The following CATSPERD variants were observed in gnomAD, a reference collection of about 807,000 sequenced individuals.
CATSPERD encodes catsper channel auxiliary subunit delta, also known as cation channel sperm-associated auxiliary subunit delta.
Under a neutral mutation model 98.1 loss-of-function variants are expected in CATSPERD, and 86 were observed. That is an observed-to-expected ratio of 0.88 (90% CI 0.74 to 1.05). CATSPERD has a LOEUF of 1.05. CATSPERD is among the 50% of genes least tolerant of loss of function. The probability of loss-of-function intolerance (pLI) is 0.00; values close to 1 mark genes in which losing one functional copy is unlikely to be tolerated. For missense variants in CATSPERD, 995 were observed against 1,005.7 expected, an observed-to-expected ratio of 0.99 and a Z score of 0.14; for synonymous variants, 394 against 390.2, an observed-to-expected ratio of 1.01 and a Z score of -0.12.
At chr19:5,766,506 G>A (rs1457168770) in intron 17 of CATSPERD, among the ~76,000 whole-genome samples, 1 of 151,734 alleles carries the variant, frequency 6.6e-6, no homozygotes, top group East Asian at 1.9e-4. Flanking sequence ...GGAGTGAGGA[G>A]AGGGGAGGAG....
chr19:5,756,624 C>A (rs1381695621), intron 13 of CATSPERD, among the ~76,000 whole-genome samples: 1 of 151,998 alleles, frequency 6.6e-6, no homozygotes, highest in African/African-American at 2.4e-5. Context: ...GGGCTAACTT[C>A]CAATGCTTGG....
chr19:5,739,857 C>T (rs1460760644), intron 7 of CATSPERD, among the ~76,000 whole-genome samples: 1 of 77,182 alleles, frequency 1.3e-5, no homozygotes, highest in Non-Finnish European at 2.9e-5. Flanking sequence ...AAAAAAAGTC[C>T]ACTGGCTGGG....
intron 11 of CATSPERD, among the ~76,000 whole-genome samples, chr19:5,750,178 G>A (rs1163712874): frequency 4.7e-5 from 7 of 150,510 alleles, no homozygotes; most frequent in South Asian, 4.2e-4. Context: ...GCCGGGCGTG[G>A]TGGCTCACGC....
At chr19:5,761,937 C>T (rs35315986) in intron 15 of CATSPERD, among the ~76,000 whole-genome samples, 33,146 of 146,986 alleles carry the variant, frequency 0.23, 4,741 homozygotes, top group East Asian at 0.34. Flanking sequence ...GGGGTTTCAC[C>T]ATATTGGCAA....
intron 17 of CATSPERD, among the ~76,000 whole-genome samples, chr19:5,766,462 A>G (rs1472577696): frequency 2.7e-5 from 4 of 149,112 alleles, no homozygotes; most frequent in Non-Finnish European, 6.0e-5. Flanking sequence ...TCGTCTTGAA[A>G]AAAAAAAAAA....
At chr19:5,754,342 G>T in intron 13 of CATSPERD, 97 bp downstream of exon 13, 1 of 754,368 alleles carries the variant, frequency 1.3e-6, no homozygotes, top group Non-Finnish European at 2.4e-6. Flanking sequence ...CCCCCACAAG[G>T]AGAGACGCTA....
chr19:5,733,757 T>G, intron 4 of CATSPERD, 99 bp from the exon 5 acceptor site: 2 of 840,288 alleles, frequency 2.4e-6, no homozygotes, highest in Non-Finnish European at 3.8e-6. Flanking sequence ...CGCCCGTCCA[T>G]ACATTTTTTT....
At chr19:5,777,982 G>A (rs1250244604) in intron 21 of CATSPERD, among the ~76,000 whole-genome samples, 1 of 152,030 alleles carries the variant, frequency 6.6e-6, no homozygotes, top group African/African-American at 2.4e-5. Context: ...GCAGAGGCGG[G>A]CGGATCACTT....
chr19:5,766,059 C>T, intron 16 of CATSPERD, 44 bp from the exon 17 acceptor site: 1 of 1,523,496 alleles, frequency 6.6e-7, no homozygotes, highest in Non-Finnish European at 9.1e-7. Flanking sequence ...GTCCGGGTGA[C>T]CCTCACTGAC....
chr19:5,744,491 TTGTAGTGAA>T lies in CATSPERD; in HGVS notation c.640_648del (p.Val214_Asn216del). On this transcript the variant is annotated inframe_deletion, in exon 8 of 22. Coordinates refer to ENST00000381624, the MANE Select transcript of CATSPERD (RefSeq NM_152784.4). ...TTTTCTTTGTCACAGGTTGCGATGC[TTGTAGTGAA>T]TCAAGGGAAGGTAAGTAACTGCAGA... 5 of 1,612,338 alleles carry T rather than the reference TTGTAGTGAA, an allele frequency of 3.1e-6. No individual in the cohort carries two copies. In the South Asian group the frequency reaches 5.5e-5, roughly 18 times the overall value.
chr19:5,720,924 T>C (rs2055449491), intron 1 of CATSPERD, 116 bp downstream of exon 1: 2 of 805,464 alleles, frequency 2.5e-6, no homozygotes, highest in Non-Finnish European at 3.8e-6. Context: ...TTTACTCTTT[T>C]TAGGAATCGA....
In CATSPERD at chr19:5,748,270, C is replaced by T. The variant is rs369400230; in HGVS notation, c.904+15C>T. On this transcript the variant is annotated intron_variant, in intron 10 of 21. Coordinates refer to ENST00000381624, the MANE Select transcript of CATSPERD (RefSeq NM_152784.4). ...CATTGCTGTCAGTGCGTAGCCGACC[C>T]ACTGCTAGCCAAGAAATATTTAGAC... 36 of 1,605,936 alleles carry T rather than the reference C, an allele frequency of 2.2e-5. No homozygotes were observed. Among genetic ancestry groups the T allele is most frequent in the Admixed American group, 1.2e-4 (7 of 59,980 alleles).
At chr19:5,775,745 TTATTACTAA>T (rs2144701692) in intron 20 of CATSPERD, among the ~76,000 whole-genome samples, 1 of 151,812 alleles carries the variant, frequency 6.6e-6, no homozygotes, top group Non-Finnish European at 1.5e-5. Flanking sequence ...CAGGTTCATA[TTATTACTAA>T]TAGGCTTCAG....
Position 5,778,525 on chromosome 19 carries a change from C to T in CATSPERD, c.2246C>T (p.Thr749Ile), listed in dbSNP as rs753315978. 3.1e-6 allele frequency: 5 copies of T among 1,614,030 alleles called. No homozygotes were observed. Among genetic ancestry groups the T allele is most frequent in the Admixed American group, 1.7e-5 (1 of 59,992 alleles). ...LAYKTPKLLR[T>I]ARGRRIKKCA... ...TACAAGACCCCCAAGCTGCTACGCA[C>T]AGCACGCGGCCGCAGGATCAAGAAG... Residue 749 changes from threonine (T) to isoleucine (I), a missense_variant, in exon 22 of 22, where the codon ACA becomes ATA. Thr to Ile is a moderately conservative substitution (Grantham distance 89). This residue lies in a region of CATSPERD where 762 missense variants were observed against 773.7 expected (regional missense o/e 0.98). Transcript: ENST00000381624.
intron 18 of CATSPERD, among the ~76,000 whole-genome samples, chr19:5,769,027 A>G (rs941163425): frequency 2.6e-5 from 4 of 151,912 alleles, no homozygotes; most frequent in East Asian, 2.0e-4. Context: ...GGTGGTGGGC[A>G]CCTGTAATGC....
chr19:5,774,819 C>G (rs1333153681), intron 20 of CATSPERD, among the ~76,000 whole-genome samples: 3 of 151,902 alleles, frequency 2.0e-5, no homozygotes, highest in Admixed American at 1.3e-4. Flanking sequence ...GAGTTAGAGA[C>G]CAGCCTGACC....
At chr19:5,731,611 C>G (rs112321996) in intron 4 of CATSPERD, among the ~76,000 whole-genome samples, 45,304 of 130,278 alleles carry the variant, frequency 0.35, 8,322 homozygotes, top group Non-Finnish European at 0.42. Context: ...CTCTGTCACC[C>G]AGGCCGGACT....
chr19:5,762,861 T>C (rs748594849), intron 15 of CATSPERD, among the ~76,000 whole-genome samples: 10 of 147,776 alleles, frequency 6.8e-5, no homozygotes, highest in Non-Finnish European at 1.3e-4. Context: ...GATGGATGGA[T>C]AGGTGGATGG....
At chr19:5,750,356 C>T (rs2056185733) in intron 11 of CATSPERD, among the ~76,000 whole-genome samples, 1 of 134,066 alleles carries the variant, frequency 7.5e-6, no homozygotes, top group Admixed American at 9.0e-5. Context: ...GAGGCTGAGG[C>T]AGGAGAATGG....
Sources: gnomAD v4.1 joint callset for allele counts (sites outside exome capture counted in the v4.1 genomes callset) on GRCh38, gnomAD v4.1.1 for gene constraint, gnomAD v4.1.1 regional missense constraint, MANE v1.5 for transcripts, NCBI Gene and HGNC (gene_info 2026-07-23, HGNC 2026-07-21) for gene names.